The following DYRK2 variants were observed in gnomAD, a reference collection of about 807,000 sequenced individuals.
The protein encoded by DYRK2 is dual specificity tyrosine-phosphorylation-regulated kinase 2.
A neutral mutation model predicts 41.6 loss-of-function variants in DYRK2; 12 were observed. The observed-to-expected ratio is 0.29, with a 90% CI of 0.18 to 0.47. The LOEUF (loss-of-function observed/expected upper bound fraction) is 0.47, where lower values mean the gene tolerates loss of function less well. Among genes scored for constraint, DYRK2 ranks in the 20% least tolerant of loss-of-function variants. The pLI is 1.00. For missense variants in DYRK2, 678 were observed against 798.4 expected (o/e 0.85, Z 1.82); for synonymous variants, 322 against 315.7 (o/e 1.02, Z -0.21).
chr12:67,653,673 A>G (rs1221606130), intron 2 of DYRK2, among the ~76,000 whole-genome samples: 5 of 152,200 alleles, frequency 3.3e-5, no homozygotes, highest in Admixed American at 2.6e-4. Context: ...TTTCCTTATG[A>G]AGGTACACAA....
rs1872695858 is a variant in DYRK2 at position 67,664,368 on chromosome 12, T to A, written c.*5655T>A. 6.6e-6 allele frequency: 1 copy of A among 152,024 alleles called. No individual in the cohort carries two copies. The highest frequency in any genetic ancestry group is 1.5e-5 in the Non-Finnish European group (1 of 67,974). The allele number at this position is 152,024 out of a possible 1,614,324, so 9.4% of individuals were successfully genotyped here. A position where few individuals can be genotyped will look rare whatever the true frequency, so the allele number is the denominator to read the frequency against. ...CTGAAGAAAGCTGACATTTTAGGAG[T>A]ATTAAGTCATCTGTCGTTAAGGAGC... On this transcript the variant is annotated 3_prime_UTR_variant, in exon 3 of 3. Transcript: ENST00000344096.
At position 67,658,269 on chromosome 12, in the gene DYRK2, T is replaced by C. The variant is rs954680330; in HGVS notation, c.1362T>C (p.Asn454=). Reference sequence around the variant, plus strand: ...TGGATGCATCCAAACGAGCCAAAAATTTTGTGAGCTCCAAGGGTTATCCCC... The same window carrying C: ...TGGATGCATCCAAACGAGCCAAAAACTTTGTGAGCTCCAAGGGTTATCCCC... ...KLLDASKRAK[N]FVSSKGYPRY... is the part of the protein sequence containing the mutation. Residue 454 remains asparagine (N), a synonymous_variant, in exon 3 of 3, where the codon AAT becomes AAC. Transcript: ENST00000344096. This position sits in a 1 kb window ranked among gnomAD's most constrained non-coding sequence, Gnocchi z 4.3. 3 of 1,614,040 alleles carry C rather than the reference T, an allele frequency of 1.9e-6. No homozygotes were observed. In the African/African-American group the frequency reaches 4.0e-5, roughly 22 times the overall value.
At position 67,663,938 on chromosome 12, in the gene DYRK2, G is replaced by T. The variant is rs1872685178; in HGVS notation, c.*5225G>T. Reference sequence around the variant, plus strand: ...CCCTAGTTGACATTAGTGTTGGTCTGTTAGAAGGGGAAATTGATTTGACTG... The same window carrying T: ...CCCTAGTTGACATTAGTGTTGGTCTTTTAGAAGGGGAAATTGATTTGACTG... On this transcript the variant is annotated 3_prime_UTR_variant, in exon 3 of 3. Coordinates refer to ENST00000344096, the MANE Select transcript of DYRK2 (RefSeq NM_006482.3). 1 of 152,158 alleles carries T rather than the reference G, an allele frequency of 6.6e-6. No homozygotes were observed. Among genetic ancestry groups the T allele is most frequent in the African/African-American group, 2.4e-5 (1 of 41,450 alleles). The allele number at this position is 152,158 out of a possible 1,614,324, so 9.4% of individuals were successfully genotyped here.
chr12:67,655,321 A>C (rs145287251), intron 2 of DYRK2, among the ~76,000 whole-genome samples: 3 of 152,190 alleles, frequency 2.0e-5, no homozygotes, highest in Non-Finnish European at 4.4e-5. Flanking sequence ...TAGGAGAGAG[A>C]TATTTTGATT....
intron 1 of DYRK2, 151 bp downstream of exon 1, chr12:67,649,333 C>G (rs1486117661): frequency 5.5e-6 from 3 of 543,760 alleles, no homozygotes; most frequent in Non-Finnish European, 7.8e-6. Context: ...GCCCCGGGCT[C>G]CATGCAGGGT....
intron 1 of DYRK2, 146 bp downstream of exon 1, chr12:67,649,328 G>T (rs1490479580): frequency 3.6e-6 from 2 of 563,160 alleles, no homozygotes; most frequent in East Asian, 9.9e-5. Flanking sequence ...GACGCGCCCC[G>T]GGCTCCATGC....
intron 2 of DYRK2, among the ~76,000 whole-genome samples, chr12:67,650,529 G>A (rs1478198279): frequency 1.3e-5 from 2 of 152,228 alleles, no homozygotes; most frequent in Non-Finnish European, 2.9e-5. Context: ...GGCCGCCGCA[G>A]CAGTCAAAAC....
At chr12:67,655,573 A>G (rs1344152594) in intron 2 of DYRK2, among the ~76,000 whole-genome samples, 1 of 152,238 alleles carries the variant, frequency 6.6e-6, no homozygotes, top group Non-Finnish European at 1.5e-5. Flanking sequence ...TGAGTGTGAT[A>G]AAAAAGCTCA....
At position 67,658,134 on chromosome 12, in the gene DYRK2, C is replaced by A. The variant is rs909021101; in HGVS notation, c.1227C>A (p.Gly409=). The stretch of plus-strand genomic sequence containing the variant: ...TGCCCATTGATATGTGGAGCCTGGG[C>A]TGCATTTTAGCAGAGCTCCTGACGG... The part of the protein sequence containing the change: ...YGMPIDMWSL[G]CILAELLTGY... The change falls in exon 3 of 3, where the codon GGC becomes GGA. Residue 409 remains glycine, a synonymous_variant. Coordinates refer to ENST00000344096, the MANE Select transcript of DYRK2 (RefSeq NM_006482.3). The surrounding 1 kb of genome is among the most constrained non-coding windows in gnomAD (Gnocchi z 4.3). 2.7e-5 allele frequency: 43 copies of A among 1,614,194 alleles called. No individual in the cohort carries two copies. The highest frequency in any genetic ancestry group is 3.6e-5 in the Non-Finnish European group (42 of 1,180,014).
At chr12:67,656,934 A>C (rs780502508) in intron 2 of DYRK2, among the ~76,000 whole-genome samples, 172 bp from the exon 3 acceptor site, 1 of 152,164 alleles carries the variant, frequency 6.6e-6, no homozygotes, top group Admixed American at 6.5e-5. Context: ...TCTGTTAGGC[A>C]TGGCATTTAT....
At chr12:67,649,735 G>A (rs976863732) in intron 1 of DYRK2, 62 bp from the exon 2 acceptor site, 6 of 1,295,734 alleles carry the variant, frequency 4.6e-6, no homozygotes, top group South Asian at 3.3e-5. Context: ...GGTTGGAGGG[G>A]GGGTCTGGGT....
rs2120862376 is a variant in DYRK2, at chr12:67,663,699, A to G, written c.*4986A>G. The G allele has an allele frequency of 6.6e-6, 1 of 152,304 alleles. No homozygotes were observed. Among genetic ancestry groups the G allele is most frequent in the South Asian group, 2.1e-4 (1 of 4,830 alleles). 9.4% of individuals were successfully genotyped at this position (152,304 alleles called of 1,614,324 possible). On this transcript the variant is annotated 3_prime_UTR_variant, in exon 3 of 3. Transcript: ENST00000344096. ...GCTAAAGTGGCAATGTCAATTTAAA[A>G]TTTCTTGTCCAGATCTGACTGACTG...
chr12:67,658,673 A>G lies in DYRK2; in HGVS notation c.1766A>G (p.Asn589Ser). The G allele has an allele frequency of 1.2e-6, 2 of 1,613,504 alleles. No individual in the cohort carries two copies. Among genetic ancestry groups the G allele is most frequent in the South Asian group, 1.1e-5 (1 of 90,946 alleles). The change falls in exon 3 of 3, where the codon AAT becomes AGT. Residue 589 changes from asparagine to serine, a missense_variant. Around this residue, in one of 2 missense-constraint regions of DYRK2, gnomAD observed 393 missense variants for 519.1 expected, o/e 0.76. Transcript: ENST00000344096. This position sits in a 1 kb window ranked among gnomAD's most constrained non-coding sequence, Gnocchi z 4.3. ...GCGCAGATGACAGATGCCAATGGGA[A>G]TATTCAGCAGAGGACAGTGTTGCCA... ...NLAQMTDANG[N>S]IQQRTVLPKL...
chr12:67,649,363 C>T (rs1872236362), intron 1 of DYRK2, among the ~76,000 whole-genome samples, 181 bp downstream of exon 1: 1 of 151,466 alleles, frequency 6.6e-6, no homozygotes, highest in Non-Finnish European at 1.5e-5. Flanking sequence ...CCCCGAAGGC[C>T]CCTCCGCGGG....
At position 67,658,607 on chromosome 12, in the gene DYRK2, C is replaced by T. The variant is rs774866895; in HGVS notation, c.1700C>T (p.Pro567Leu). 1.2e-6 allele frequency: 2 copies of T among 1,614,178 alleles called. No homozygotes were observed. The highest frequency in any genetic ancestry group is 2.2e-5 in the South Asian group (2 of 91,078). The change falls in exon 3 of 3, where the codon CCT (proline) becomes CTT (leucine). Residue 567 changes from proline to leucine, a missense_variant. Around this residue, in one of 2 missense-constraint regions of DYRK2, gnomAD observed 393 missense variants for 519.1 expected, o/e 0.76. Coordinates refer to ENST00000344096, the MANE Select transcript of DYRK2 (RefSeq NM_006482.3). This position sits in a 1 kb window ranked among gnomAD's most constrained non-coding sequence, Gnocchi z 4.3. Reference sequence around the variant, plus strand: ...GCTATCACATCTATATCCAAGTTACCTCCACCTTCTAGCTCAGCTTCCAAA... The same window carrying T: ...GCTATCACATCTATATCCAAGTTACTTCCACCTTCTAGCTCAGCTTCCAAA... ...TGAITSISKL[P>L]PPSSSASKLR... is the part of the protein sequence containing the mutation.
chr12:67,649,732 G>C lies in DYRK2; in HGVS notation c.50-65G>C. 3.1e-6 allele frequency: 4 copies of C among 1,290,794 alleles called. No homozygotes were observed. The South Asian group carries it at 1.0e-4, about 33-fold the overall frequency. 80.0% of individuals were successfully genotyped at this position (1,290,794 alleles called of 1,614,324 possible). A position where few individuals can be genotyped will look rare whatever the true frequency, so the allele number is the denominator to read the frequency against. ...GTTGTCGCTGCCCAGCGGGGTTGGA[G>C]GGGGGGTCTGGGTGACTTTCTCCCC... is the stretch of plus-strand genomic sequence containing the variant. On this transcript the variant is annotated intron_variant, in intron 1 of 2. Coordinates refer to ENST00000344096, the MANE Select transcript of DYRK2 (RefSeq NM_006482.3).
chr12:67,657,739 A>G lies in DYRK2; in HGVS notation c.832A>G (p.Lys278Glu), dbSNP rs747024511. Residue 278 changes from lysine to glutamate, a missense_variant, in exon 3 of 3, where the codon AAG becomes GAG. Coordinates refer to ENST00000344096, the MANE Select transcript of DYRK2 (RefSeq NM_006482.3). This position sits in a 1 kb window ranked among gnomAD's most constrained non-coding sequence, Gnocchi z 4.8. ...CCTGGAACACCTGCGGAAGCAGGAC[A>G]AGGATAACACAATGAATGTCATCCA... is the stretch of plus-strand genomic sequence containing the variant. ...RILEHLRKQD[K>E]DNTMNVIHML... 3.1e-6 allele frequency: 5 copies of G among 1,614,104 alleles called. No individual in the cohort carries two copies. The South Asian group carries it at 5.5e-5, about 18-fold the overall frequency.
chr12:67,649,748 C>G, intron 1 of DYRK2, 49 bp from the exon 2 acceptor site: 1 of 1,305,120 alleles, frequency 7.7e-7, no homozygotes, highest in Non-Finnish European at 9.8e-7. Flanking sequence ...GTCTGGGTGA[C>G]TTTCTCCCCC....
intron 2 of DYRK2, among the ~76,000 whole-genome samples, chr12:67,656,504 C>T (rs1328180754): frequency 9.2e-5 from 14 of 152,208 alleles, no homozygotes; most frequent in African/African-American, 3.4e-4. Context: ...TACACATCTA[C>T]ATGGGAATCT....
Sources: gnomAD v4.1 joint callset for allele counts (sites outside exome capture counted in the v4.1 genomes callset) on GRCh38, gnomAD v4.1.1 for gene constraint, gnomAD v4.1.1 regional missense constraint, Gnocchi (gnomAD v3.1) non-coding constraint, MANE v1.5 for transcripts, NCBI Gene and HGNC (gene_info 2026-07-23, HGNC 2026-07-21) for gene names.